SLC2A13: variants seen among roughly 807,000 people sequenced by gnomAD.
SLC2A13 encodes solute carrier family 2 member 13.
A neutral mutation model predicts 64.4 loss-of-function variants in SLC2A13; 32 were observed. The ratio of observed to expected loss-of-function variants is 0.50; its 90% CI spans 0.37 to 0.67. SLC2A13 has a LOEUF of 0.67. Ranked by LOEUF, SLC2A13 falls within the 30% of genes least tolerant of loss-of-function variation. The pLI, the probability that SLC2A13 is intolerant of heterozygous loss-of-function variation, is 0.00. For missense variants in SLC2A13, 743 were observed against 829.2 expected (o/e 0.90, Z 1.28); for synonymous variants, 338 against 327.1 (o/e 1.03, Z -0.36).
chr12:40,062,251 T>C (rs1164826838), intron 1 of SLC2A13, among the ~76,000 whole-genome samples: 1 of 152,138 alleles, frequency 6.6e-6, no homozygotes, highest in African/African-American at 2.4e-5. Context: ...TACAGTTTTA[T>C]AATGAGAAAT....
At chr12:39,792,983 C>T (rs1271068657) in intron 7 of SLC2A13, among the ~76,000 whole-genome samples, 2 of 151,880 alleles carry the variant, frequency 1.3e-5, no homozygotes, top group East Asian at 3.9e-4. Flanking sequence ...TCCTTTATGC[C>T]CTGTGTTTTC....
chr12:40,051,083 T>C (rs993206406), intron 1 of SLC2A13, among the ~76,000 whole-genome samples: 2 of 152,092 alleles, frequency 1.3e-5, no homozygotes, highest in Non-Finnish European at 1.5e-5. Context: ...ACAAATAAAA[T>C]AGGGTCCCTG....
intron 3 of SLC2A13, among the ~76,000 whole-genome samples, chr12:39,955,078 T>C (rs1375194451): frequency 1.3e-5 from 2 of 152,134 alleles, no homozygotes; most frequent in Non-Finnish European, 2.9e-5. Flanking sequence ...AATTGTATGG[T>C]CAATGTCTTA....
At chr12:39,792,473 C>T (rs890380745) in intron 7 of SLC2A13, among the ~76,000 whole-genome samples, 2 of 152,118 alleles carry the variant, frequency 1.3e-5, no homozygotes, top group African/African-American at 4.8e-5. Flanking sequence ...TCTTTGAAAT[C>T]TGGCATGTAT....
intron 3 of SLC2A13, among the ~76,000 whole-genome samples, chr12:40,025,630 G>A (rs577840364): frequency 6.6e-6 from 1 of 152,146 alleles, no homozygotes; most frequent in Non-Finnish European, 1.5e-5. Context: ...CTTAAACAAC[G>A]TCTTTCTAAA....
At chr12:39,926,613 C>T (rs953073634) in intron 4 of SLC2A13, among the ~76,000 whole-genome samples, 3 of 151,970 alleles carry the variant, frequency 2.0e-5, no homozygotes, top group South Asian at 2.1e-4. Context: ...CAGTTCTAAC[C>T]TTTTTTATTT....
intron 6 of SLC2A13, among the ~76,000 whole-genome samples, chr12:39,853,892 G>A (rs892932621): frequency 6.6e-6 from 1 of 151,756 alleles, no homozygotes; most frequent in African/African-American, 2.4e-5. Context: ...GTGTAGTGAG[G>A]GTAAAATTTC....
At chr12:39,819,280 A>G (rs1942424018) in intron 7 of SLC2A13, among the ~76,000 whole-genome samples, 3 of 152,188 alleles carry the variant, frequency 2.0e-5, no homozygotes, top group Non-Finnish European at 4.4e-5. Context: ...AAATATTTTT[A>G]TCGTTTGGAG....
chr12:39,947,612 C>G (rs967158893), intron 4 of SLC2A13, among the ~76,000 whole-genome samples: 3 of 146,398 alleles, frequency 2.0e-5, no homozygotes, highest in African/African-American at 7.6e-5. Flanking sequence ...CATGGAACAT[C>G]TTTGATATTA....
chr12:39,835,284 T>C (rs1192121846), intron 6 of SLC2A13, among the ~76,000 whole-genome samples: 2 of 151,968 alleles, frequency 1.3e-5, no homozygotes, highest in Non-Finnish European at 2.9e-5. Flanking sequence ...AGATTGTACA[T>C]GAAAGAAAAA....
intron 4 of SLC2A13, among the ~76,000 whole-genome samples, chr12:39,942,956 T>C (rs1424996801): frequency 6.6e-6 from 1 of 152,214 alleles, no homozygotes; most frequent in Non-Finnish European, 1.5e-5. Flanking sequence ...ATGTCCTTTT[T>C]GTTGATGTTG....
At chr12:39,801,222 T>C (rs1280315965) in intron 7 of SLC2A13, among the ~76,000 whole-genome samples, 1 of 92,054 alleles carries the variant, frequency 1.1e-5, no homozygotes, top group Non-Finnish European at 2.4e-5. Context: ...AATGTGCACA[T>C]GTACCCTAAA....
At chr12:40,047,416 C>T (rs1040960774) in intron 2 of SLC2A13, among the ~76,000 whole-genome samples, 2 of 152,126 alleles carry the variant, frequency 1.3e-5, no homozygotes, top group African/African-American at 4.8e-5. Flanking sequence ...TTCTCTGGAA[C>T]AGTTACATGA....
intron 4 of SLC2A13, among the ~76,000 whole-genome samples, chr12:39,893,895 G>T (rs1944675497): frequency 6.6e-6 from 1 of 152,150 alleles, no homozygotes; most frequent in South Asian, 2.1e-4. Flanking sequence ...AATTGAAAAA[G>T]TAAATCCATT....
At chr12:40,068,130 C>CTTG (rs1937809574) in intron 1 of SLC2A13, 1 of 197,270 alleles carries the variant, frequency 5.1e-6, no homozygotes, top group East Asian at 1.8e-4. Context: ...GGGTGGTCTC[C>CTTG]AACTACTGGC....
At chr12:40,058,001 T>C (rs1948358827) in intron 1 of SLC2A13, among the ~76,000 whole-genome samples, 3 of 151,988 alleles carry the variant, frequency 2.0e-5, no homozygotes, top group Admixed American at 1.3e-4. Flanking sequence ...ATCTAGGGCA[T>C]ACAAATGTCC....
intron 3 of SLC2A13, among the ~76,000 whole-genome samples, chr12:40,021,792 T>C (rs520138): frequency 0.66 from 101,018 of 152,038 alleles, 33,899 homozygotes; most frequent in African/African-American, 0.73. Flanking sequence ...AGAATGACTA[T>C]TTTCCTCTAA....
chr12:39,765,971 C>T (rs369827442), intron 7 of SLC2A13, among the ~76,000 whole-genome samples: 4 of 152,176 alleles, frequency 2.6e-5, no homozygotes, highest in South Asian at 2.1e-4. Flanking sequence ...TGTGAAAACA[C>T]GCAGTGTGTG....
chr12:39,856,297 TCAAAATCATAGTTTTC>T (rs1210438993), intron 6 of SLC2A13, among the ~76,000 whole-genome samples: 2 of 152,146 alleles, frequency 1.3e-5, no homozygotes, highest in African/African-American at 4.8e-5. Flanking sequence ...ACCCAGCCAA[TCAAAATCATAGTTTTC>T]CAAGTTACTT....
Sources: allele counts gnomAD v4.1 joint callset (sites outside exome capture counted in the v4.1 genomes callset), GRCh38; gene constraint gnomAD v4.1.1; transcripts MANE v1.5; gene names NCBI Gene and HGNC (gene_info 2026-07-23, HGNC 2026-07-21).